ZSCAN31: variants seen among roughly 807,000 people sequenced by gnomAD.
The protein encoded by ZSCAN31 is zinc finger and SCAN domain-containing protein 31.
Under a neutral mutation model 22.5 loss-of-function variants are expected in ZSCAN31, and 14 were observed. That is an observed-to-expected ratio of 0.62 (90% CI 0.41 to 0.97). The LOEUF (loss-of-function observed/expected upper bound fraction) is 0.97. ZSCAN31 is among the 50% of genes least tolerant of loss of function. ZSCAN31 has a pLI of 0.00. For missense variants in ZSCAN31, 424 were observed against 483.4 expected (o/e 0.88, Z 1.15); for synonymous variants, 168 against 169.8 (o/e 0.99, Z 0.08).
At chr6:28,348,681 CATTT>C (rs971792571) in intron 2 of ZSCAN31, among the ~76,000 whole-genome samples, 60 of 152,232 alleles carry the variant, frequency 3.9e-4, no homozygotes, top group African/African-American at 4.8e-4. Flanking sequence ...GCAGCTCCTT[CATTT>C]GTTTTAAAAA....
upstream of ZSCAN31, among the ~76,000 whole-genome samples, chr6:28,339,449 T>C (rs1764327573): frequency 1.3e-5 from 2 of 152,150 alleles, no homozygotes; most frequent in Non-Finnish European, 2.9e-5. Flanking sequence ...CCACCACGCC[T>C]GGCAAATTTT....
rs78371185 is a variant in ZSCAN31 at position 28,353,725 on chromosome 6, G to T, written c.-371+137C>A. 3.2e-3 allele frequency: 1,348 copies of T among 420,996 alleles called. 13 individuals are homozygous for T. Among genetic ancestry groups the T allele is most frequent in the African/African-American group, 0.023 (1,107 of 48,710 alleles). The allele number at this position is 420,996 out of a possible 1,614,324, so 26.1% of individuals were successfully genotyped here. On this transcript the variant is annotated intron_variant, in intron 2 of 7. Transcript: ENST00000396838. ...AGAAATAGAAGTTAAAACCTTGCGA[G>T]TGATTAAAGATAGTTCTGGGGAAGA... is the stretch of plus-strand genomic sequence containing the variant.
chr6:28,326,551 C>A lies in ZSCAN31; in HGVS notation c.836G>T (p.Arg279Met). Residue 279 changes from arginine (R) to methionine (M), a missense_variant, in exon 4 of 4, where the codon AGG becomes ATG. Arg to Met is a moderately conservative substitution (Grantham distance 91). Transcript: ENST00000344279. Reference sequence around the variant, plus strand: ...CCGCCGATGTTCATTCAGGCTTGACCTCCGGCTGAAGGCCTTCCCACATTC... The same window carrying A: ...CCGCCGATGTTCATTCAGGCTTGACATCCGGCTGAAGGCCTTCCCACATTC... ...CEECGKAFSR[R>M]SSLNEHRRSH... 1.2e-6 allele frequency: 2 copies of A among 1,614,166 alleles called. No individual in the cohort carries two copies. Among genetic ancestry groups the A allele is most frequent in the Non-Finnish European group, 1.7e-6 (2 of 1,180,016 alleles).
In ZSCAN31 at chr6:28,327,541, C is replaced by A. The variant is rs189550961; in HGVS notation, c.382-8G>T. ...ATGTTCATGGTCTGGAGCCTGAAGGCAGGTAGGCATATTTGGTTAAAGAGG... is the reference window on the plus strand; with the variant it reads ...ATGTTCATGGTCTGGAGCCTGAAGGAAGGTAGGCATATTTGGTTAAAGAGG... On this transcript the variant is annotated splice_polypyrimidine_tract_variant and splice_region_variant and intron_variant, in intron 2 of 3. Transcript: ENST00000344279. 4.0e-4 allele frequency: 641 copies of A among 1,611,360 alleles called. 4 individuals carry two copies. The African/African-American group carries it at 7.5e-3, about 19-fold the overall frequency.
Position 28,351,594 on chromosome 6 carries a change from T to C in ZSCAN31, c.-371+2268A>G, listed in dbSNP as rs1765018758. ...TTTTGGTCATTTTCTTTCATTCTTC[T>C]TTTCCCTCCTTTCCACTCTCTTTCC... On this transcript the variant is annotated intron_variant, in intron 2 of 7. Transcript: ENST00000396838. The surrounding 1 kb of genome is among the most constrained non-coding windows in gnomAD (Gnocchi z 4.6). Among the ~76,000 whole-genome samples, 1 of 152,072 alleles carries C rather than the reference T, an allele frequency of 6.6e-6. No individual in the cohort carries two copies. Among genetic ancestry groups the C allele is most frequent in the Admixed American group, 6.6e-5 (1 of 15,258 alleles).
upstream of ZSCAN31, among the ~76,000 whole-genome samples, chr6:28,339,135 TA>T (rs1410788376): frequency 1.3e-5 from 2 of 152,262 alleles, no homozygotes; most frequent in African/African-American, 4.8e-5. Flanking sequence ...TCCAAGAGCA[TA>T]TTTTTTTACT....
chr6:28,349,461 T>G lies in ZSCAN31; in HGVS notation c.-371+4401A>C, dbSNP rs77914337. On this transcript the variant is annotated intron_variant, in intron 2 of 7. Coordinates refer to the ZSCAN31 transcript ENST00000396838. The surrounding 1 kb of genome is among the most constrained non-coding windows in gnomAD (Gnocchi z 4.1). ...TTATTAATCATCATAATTTGAGTGTTAGATTATCTTGGATTTTTTATGTAA... is the reference window on the plus strand; with the variant it reads ...TTATTAATCATCATAATTTGAGTGTGAGATTATCTTGGATTTTTTATGTAA... Among the ~76,000 whole-genome samples the G allele has an allele frequency of 0.075, 11,411 of 152,236 alleles. 587 individuals are homozygous for G. Among genetic ancestry groups the G allele is most frequent in the African/African-American group, 0.12 (5,164 of 41,518 alleles).
intron 1 of ZSCAN31, among the ~76,000 whole-genome samples, chr6:28,334,548 C>A (rs1763996404): frequency 6.6e-6 from 1 of 152,138 alleles, no homozygotes. Context: ...CAAAGGATAC[C>A]AATTACGATG....
chr6:28,354,241 A>G (rs1238680579), upstream of ZSCAN31: 1 of 291,676 alleles, frequency 3.4e-6, no homozygotes, highest in Non-Finnish European at 6.9e-6. Flanking sequence ...TATACCATTT[A>G]CAGACAATAG....
chr6:28,326,961 TGAA>T, intron 3 of ZSCAN31, 107 bp from the exon 4 acceptor site: 1 of 1,115,890 alleles, frequency 9.0e-7, no homozygotes, highest in Non-Finnish European at 1.3e-6. Flanking sequence ...GTTCTAGGAA[TGAA>T]GAACTGTCAG....
At chr6:28,343,526 C>CT (rs111580657) in intron 2 of ZSCAN31, among the ~76,000 whole-genome samples, 38 of 135,570 alleles carry the variant, frequency 2.8e-4, no homozygotes, top group Admixed American at 3.0e-4. Context: ...ATTTTCTTTT[C>CT]TTTTTTTTTT....
chr6:28,337,942 G>A (rs1764259923), upstream of ZSCAN31: 1 of 152,130 alleles, frequency 6.6e-6, no homozygotes, highest in Admixed American at 6.5e-5. Flanking sequence ...CATGCTATTA[G>A]TCTCAGCTAC....
chr6:28,339,396 A>C (rs1433568886), upstream of ZSCAN31, among the ~76,000 whole-genome samples: 1 of 152,138 alleles, frequency 6.6e-6, no homozygotes, highest in Non-Finnish European at 1.5e-5. Flanking sequence ...TCCCAGGTTC[A>C]AGCGATTCTC....
chr6:28,335,742 C>G (rs1352220383), intron 1 of ZSCAN31: 1 of 152,256 alleles, frequency 6.6e-6, no homozygotes, highest in Non-Finnish European at 1.5e-5. Context: ...CAGAACGGGC[C>G]CCATAATGGG....
upstream of ZSCAN31, among the ~76,000 whole-genome samples, chr6:28,340,241 C>G (rs1764361062): frequency 6.6e-6 from 1 of 152,186 alleles, no homozygotes; most frequent in African/African-American, 2.4e-5. Flanking sequence ...ATTTACATTT[C>G]ACATATAGAC....
At chr6:28,354,078 G>A (rs1035803621) in intron 1 of ZSCAN31, 5 of 403,686 alleles carry the variant, frequency 1.2e-5, no homozygotes, top group South Asian at 7.3e-5. Context: ...GGCTCCTGCC[G>A]CTCCCACACT....
In ZSCAN31 at chr6:28,333,891, T is replaced by A. The variant is rs1763945041; in HGVS notation, c.-96+2191A>T. Among the ~76,000 whole-genome samples the A allele has an allele frequency of 6.6e-6, 1 of 151,964 alleles. No individual in the cohort carries two copies. Among genetic ancestry groups the A allele is most frequent in the Non-Finnish European group, 1.5e-5 (1 of 68,008 alleles). ...TGAATTCTGTACCGAGAAGCTCTGC[T>A]ACTGGATGGAGAATGAGCTGAGGGA... On this transcript the variant is annotated intron_variant, in intron 1 of 3. Transcript: ENST00000344279. This position sits in a 1 kb window ranked among gnomAD's most constrained non-coding sequence, Gnocchi z 4.1.
Position 28,336,104 on chromosome 6 carries a change from G to A in ZSCAN31, c.-118C>T, listed in dbSNP as rs1764148889. Reference sequence around the variant, plus strand: ...CACCTTCGGGGCACCGGCAAGCTACGGAACAGGTGGCGGGGCTGCAGCACC... The same window carrying A: ...CACCTTCGGGGCACCGGCAAGCTACAGAACAGGTGGCGGGGCTGCAGCACC... On this transcript the variant is annotated 5_prime_UTR_variant, in exon 1 of 4. Coordinates refer to ENST00000344279, the MANE Select transcript of ZSCAN31 (RefSeq NM_030899.5). 1 of 152,464 alleles carries A rather than the reference G, an allele frequency of 6.6e-6. No individual in the cohort carries two copies. Among genetic ancestry groups the A allele is most frequent in the Non-Finnish European group, 1.5e-5 (1 of 68,238 alleles). The allele number at this position is 152,464 out of a possible 1,614,324, so 9.4% of individuals were successfully genotyped here.
intron 3 of ZSCAN31, 109 bp downstream of exon 3, chr6:28,327,274 A>C: frequency 4.7e-6 from 6 of 1,277,606 alleles, no homozygotes; most frequent in Non-Finnish European, 6.6e-6. Flanking sequence ...TATTAAATGC[A>C]GCGTTTAAAT....
Sources: gnomAD v4.1 joint callset for allele counts (sites outside exome capture counted in the v4.1 genomes callset) on GRCh38, gnomAD v4.1.1 for gene constraint, Gnocchi (gnomAD v3.1) non-coding constraint, MANE v1.5 for transcripts, NCBI Gene and HGNC (gene_info 2026-07-23, HGNC 2026-07-21) for gene names.